Variants in ADH1B observed in about 807,000 individuals in gnomAD.
ADH1B encodes the protein alcohol dehydrogenase 1B (class I), beta polypeptide.
A neutral mutation model predicts 34.6 loss-of-function variants in ADH1B; 29 were observed. The observed-to-expected ratio is 0.84, with a 90% CI of 0.62 to 1.14. The LOEUF is 1.14. ADH1B is among the 50% of genes most tolerant of loss of function. The pLI is 0.00. For synonymous variants in ADH1B, 170 were observed against 175.5 expected, an observed-to-expected ratio of 0.97 and a Z score of 0.25; for missense variants, 424 against 468.4, an observed-to-expected ratio of 0.91 and a Z score of 0.87.
In ADH1B at chr4:99,305,915, G is replaced by T. The variant is rs149125586; in HGVS notation, c.*1925C>A. On this transcript the variant is annotated 3_prime_UTR_variant, in exon 9 of 9. Transcript: ENST00000305046. ...CACAATCAGCATCAGTGTAAAAGCC[G>T]CAGAGCACCCAGCAACAGGTAGTGT... The T allele has an allele frequency of 6.6e-6, 1 of 152,050 alleles. No individual in the cohort carries two copies. Among genetic ancestry groups the T allele is most frequent in the Non-Finnish European group, 1.5e-5 (1 of 68,052 alleles). The allele number at this position is 152,050 out of a possible 1,614,324, so 9.4% of individuals were successfully genotyped here. A position where few individuals can be genotyped will look rare whatever the true frequency, so the allele number is the denominator to read the frequency against.
intron 8 of ADH1B, among the ~76,000 whole-genome samples, chr4:99,308,518 T>C (rs1180074132): frequency 6.6e-6 from 1 of 151,944 alleles, no homozygotes; most frequent in Non-Finnish European, 1.5e-5. Context: ...TTTGTAGAAG[T>C]AGAGAATAAA....
chr4:99,310,887 T>G lies in ADH1B; in HGVS notation c.981A>C (p.Glu327Asp). The G allele has an allele frequency of 6.2e-7, 1 of 1,613,462 alleles. No homozygotes were observed. The highest frequency in any genetic ancestry group is 8.5e-7 in the Non-Finnish European group (1 of 1,179,678). Residue 327 changes from glutamate (E) to aspartate (D), a missense_variant, in exon 8 of 9, where the codon GAA becomes GAC. Coordinates refer to ENST00000305046, the MANE Select transcript of ADH1B (RefSeq NM_000668.6). ...GAVYGGFKSK[E>D]GIPKLVADFM... Reference sequence around the variant, plus strand: ...AATCAGCCACAAGTTTTGGGATACCTTCTTTACTCTTAAAGCCTGAAAAGA... The same window carrying G: ...AATCAGCCACAAGTTTTGGGATACCGTCTTTACTCTTAAAGCCTGAAAAGA...
intron 6 of ADH1B, among the ~76,000 whole-genome samples, chr4:99,311,961 T>C (rs1733765185): frequency 6.6e-6 from 1 of 152,196 alleles, no homozygotes. Context: ...GATAAACAAT[T>C]ATATCACCGA....
chr4:99,316,479 G>A lies in ADH1B; in HGVS notation c.260-177C>T. The A allele has an allele frequency of 9.5e-6, 7 of 738,006 alleles. No individual in the cohort carries two copies. In the South Asian group the frequency reaches 1.2e-4, roughly 12 times the overall value. 45.7% of individuals were successfully genotyped at this position (738,006 alleles called of 1,614,324 possible). A position where few individuals can be genotyped will look rare whatever the true frequency, so the allele number is the denominator to read the frequency against. ...TGCCACAGCATTGTTTTCAGTTTGA[G>A]TTTATAAGTGCCTGAGGATTCCTAC... is the stretch of plus-strand genomic sequence containing the variant. On this transcript the variant is annotated intron_variant, in intron 3 of 8. Transcript: ENST00000305046.
chr4:99,316,952 T>C (rs1733901928), intron 3 of ADH1B: 1 of 152,118 alleles, frequency 6.6e-6, no homozygotes, highest in Non-Finnish European at 1.5e-5. Flanking sequence ...AGGATAAGAA[T>C]GGACTTAACA....
At position 99,313,886 on chromosome 4, in the gene ADH1B, G is replaced by A. The variant is rs78574385; in HGVS notation, c.763C>T (p.Leu255=). 2.1e-3 allele frequency: 3,338 copies of A among 1,614,044 alleles called. 14 individuals carry two copies. The highest frequency in any genetic ancestry group is 2.0e-3 in the Non-Finnish European group (2,312 of 1,179,952). ...QDYKKPIQEV[L]KEMTDGGVDF... Reference sequence around the variant, plus strand: ...ACACCTCCATCAGTCATTTCCTTTAGCACTTCCTGAATGGGTTTCTTGTAG... The same window carrying A: ...ACACCTCCATCAGTCATTTCCTTTAACACTTCCTGAATGGGTTTCTTGTAG... The change falls in exon 6 of 9, where the codon CTA becomes TTA. Residue 255 remains leucine (L), a synonymous_variant. Transcript: ENST00000305046.
chr4:99,315,293 A>G (rs1182465179), intron 5 of ADH1B: 1 of 154,686 alleles, frequency 6.5e-6, no homozygotes, highest in Non-Finnish European at 1.4e-5. Flanking sequence ...TTCTGCTTGA[A>G]ATTTACCACT....
Position 99,311,588 on chromosome 4 carries a change from G to A in ADH1B, c.897C>T (p.Ser299=). 2.5e-6 allele frequency: 4 copies of A among 1,614,068 alleles called. No individual in the cohort carries two copies. The highest frequency in any genetic ancestry group is 3.4e-6 in the Non-Finnish European group (4 of 1,179,964). The stretch of plus-strand genomic sequence containing the variant: ...GCATAGGGTTTATTGAGAGGTTCTG[G>A]GAAGCAGGAGGTACCCCTACGATGA... The part of the protein sequence containing the change: ...TSVIVGVPPA[S]QNLSINPMLL... The change falls in exon 7 of 9, where the codon TCC becomes TCT. Residue 299 remains serine, a synonymous_variant. Coordinates refer to ENST00000305046, the MANE Select transcript of ADH1B (RefSeq NM_000668.6).
At chr4:99,311,748 T>C in intron 6 of ADH1B, 92 bp from the exon 7 acceptor site, 1 of 1,533,724 alleles carries the variant, frequency 6.5e-7, no homozygotes, top group Non-Finnish European at 8.9e-7. Flanking sequence ...TTAACTGGAT[T>C]GTGAGTGTGT....
intron 8 of ADH1B, among the ~76,000 whole-genome samples, 155 bp downstream of exon 8, chr4:99,310,610 A>C (rs1260151431): frequency 1.3e-5 from 2 of 152,154 alleles, no homozygotes. Flanking sequence ...AACTTCTCAC[A>C]GTATGATCCT....
intron 5 of ADH1B, 195 bp downstream of exon 5, chr4:99,315,703 C>T (rs1357110408): frequency 1.8e-5 from 12 of 671,654 alleles, no homozygotes; most frequent in African/African-American, 7.3e-5. Context: ...CATCTTTATT[C>T]GTAACAACTT....
intron 8 of ADH1B, among the ~76,000 whole-genome samples, chr4:99,309,925 A>C (rs1328834574): frequency 6.6e-6 from 1 of 152,080 alleles, no homozygotes; most frequent in Non-Finnish European, 1.5e-5. Context: ...TTGTCGGTTA[A>C]AGTACCTAGT....
chr4:99,310,630 C>G (rs1003170114), intron 8 of ADH1B, 135 bp downstream of exon 8: 3 of 1,223,784 alleles, frequency 2.5e-6, no homozygotes, highest in Non-Finnish European at 3.4e-6. Flanking sequence ...TACATACGCT[C>G]CATGCAAAGA....
At chr4:99,321,189 T>C (rs555907220) in intron 1 of ADH1B, 125 bp downstream of exon 1, 28 of 838,854 alleles carry the variant, frequency 3.3e-5, no homozygotes, top group Non-Finnish European at 4.1e-5. Context: ...GTATATTGCA[T>C]ATCATATTTC....
At chr4:99,308,950 T>G (rs537802325) in intron 8 of ADH1B, among the ~76,000 whole-genome samples, 56 of 152,034 alleles carry the variant, frequency 3.7e-4, no homozygotes, top group Admixed American at 1.6e-3. Flanking sequence ...ACATGTACCC[T>G]AAAACTTAAA....
rs1053571652 is a variant in ADH1B at position 99,307,504 on chromosome 4, G to A, written c.*336C>T. 3.8e-5 allele frequency: 13 copies of A among 339,174 alleles called. No homozygotes were observed. The highest frequency in any genetic ancestry group is 5.5e-5 in the Non-Finnish European group (10 of 182,834). 21.0% of individuals were successfully genotyped at this position (339,174 alleles called of 1,614,324 possible). ...AAAAGGGTCCCCTCCACTGGGATTCGATGACTAAAGATTATGAAGATACCA... is the reference window on the plus strand; with the variant it reads ...AAAAGGGTCCCCTCCACTGGGATTCAATGACTAAAGATTATGAAGATACCA... On this transcript the variant is annotated 3_prime_UTR_variant, in exon 9 of 9. Transcript: ENST00000305046.
intron 3 of ADH1B, 30 bp from the exon 4 acceptor site, chr4:99,316,332 A>C (rs370001112): frequency 6.8e-5 from 106 of 1,568,204 alleles, no homozygotes; most frequent in Non-Finnish European, 8.8e-5. Context: ...GTTCTTCTTA[A>C]ATTTCTATGC....
chr4:99,318,703 G>T, intron 2 of ADH1B, 82 bp downstream of exon 2: 1 of 1,330,364 alleles, frequency 7.5e-7, no homozygotes, highest in Non-Finnish European at 1.0e-6. Flanking sequence ...ATGCCTCTTA[G>T]TGGATTTTTG....
chr4:99,318,328 C>T, intron 2 of ADH1B, 144 bp from the exon 3 acceptor site: 2 of 1,079,022 alleles, frequency 1.9e-6, no homozygotes, highest in South Asian at 1.5e-5. Context: ...ATGAAAGATT[C>T]AGTTTATCCC....
Sources: gnomAD v4.1 joint callset for allele counts (sites outside exome capture counted in the v4.1 genomes callset) on GRCh38, gnomAD v4.1.1 for gene constraint, MANE v1.5 for transcripts, NCBI Gene and HGNC (gene_info 2026-07-23, HGNC 2026-07-21) for gene names.